NKAIN3: variants seen among roughly 807,000 people sequenced by gnomAD.
NKAIN3 encodes sodium/potassium-transporting ATPase subunit beta-1-interacting protein 3.
NKAIN3 carries 25 observed loss-of-function variants against 30.2 expected under a neutral mutation model. That is an observed-to-expected ratio of 0.83 (90% CI 0.60 to 1.16). The LOEUF is 1.16. Ranked by LOEUF, NKAIN3 falls within the 50% of genes most tolerant of loss-of-function variation. NKAIN3 has a pLI of 0.00. For synonymous variants in NKAIN3, 91 were observed against 89.6 expected (o/e 1.02, Z -0.09); for missense variants, 225 against 254.1 (o/e 0.89, Z 0.78).
chr8:62,356,315 C>T (rs1244338907), intron 1 of NKAIN3, among the ~76,000 whole-genome samples: 2 of 152,018 alleles, frequency 1.3e-5, no homozygotes, highest in African/African-American at 2.4e-5. Flanking sequence ...TTTTTCTCAT[C>T]AAAATAGGAA....
intron 1 of NKAIN3, among the ~76,000 whole-genome samples, chr8:62,260,136 G>A (rs1344848017): frequency 2.0e-5 from 3 of 152,008 alleles, no homozygotes; most frequent in Non-Finnish European, 4.4e-5. Flanking sequence ...GTGACGATAA[G>A]TCATAAATAT....
intron 3 of NKAIN3, among the ~76,000 whole-genome samples, chr8:62,688,889 A>G (rs1264078710): frequency 6.6e-6 from 1 of 152,140 alleles, no homozygotes; most frequent in Admixed American, 6.6e-5. Context: ...GTTTCCTATT[A>G]CAATGTGGAA....
intron 4 of NKAIN3, among the ~76,000 whole-genome samples, chr8:62,748,508 G>C (rs532361674): frequency 6.6e-6 from 1 of 152,178 alleles, no homozygotes; most frequent in Non-Finnish European, 1.5e-5. Context: ...GTGAGAGGGG[G>C]CTATCAAAAG....
At chr8:62,746,797 T>G in intron 3 of NKAIN3, 135 bp from the exon 4 acceptor site, 2 of 611,166 alleles carry the variant, frequency 3.3e-6, no homozygotes. Flanking sequence ...TGGGGCTTTG[T>G]CTTTTGTTAC....
chr8:62,455,617 G>A (rs1033536539), intron 1 of NKAIN3, among the ~76,000 whole-genome samples: 14 of 152,128 alleles, frequency 9.2e-5, no homozygotes, highest in South Asian at 2.1e-4. Context: ...AAACCTCAGC[G>A]TTATGCAATA....
chr8:62,829,937 A>G (rs1020736121), intron 4 of NKAIN3, among the ~76,000 whole-genome samples: 1 of 152,216 alleles, frequency 6.6e-6, no homozygotes, highest in Non-Finnish European at 1.5e-5. Flanking sequence ...AGGAAAAAAA[A>G]TAATTGCTAC....
At chr8:62,306,568 GTGTGTGTGT>G (rs1814248692) in intron 1 of NKAIN3, among the ~76,000 whole-genome samples, 1 of 148,056 alleles carries the variant, frequency 6.8e-6, no homozygotes, top group African/African-American at 2.6e-5. Context: ...GTGTGTGTGT[GTGTGTGTGT>G]TGTGTGTGTG....
At chr8:62,434,429 C>T (rs183729575) in intron 1 of NKAIN3, among the ~76,000 whole-genome samples, 8 of 152,174 alleles carry the variant, frequency 5.3e-5, no homozygotes, top group Middle Eastern at 3.4e-3. Context: ...GAAGGTCCTG[C>T]GAGGCAGGAG....
At chr8:62,945,886 CA>C (rs1273737626) in intron 5 of NKAIN3, among the ~76,000 whole-genome samples, 4 of 152,176 alleles carry the variant, frequency 2.6e-5, no homozygotes, top group African/African-American at 9.7e-5. Flanking sequence ...CAGTTCTTCA[CA>C]TAAGTACCTG....
intron 3 of NKAIN3, among the ~76,000 whole-genome samples, chr8:62,647,429 G>T (rs1812498355): frequency 6.6e-6 from 1 of 152,180 alleles, no homozygotes; most frequent in African/African-American, 2.4e-5. Context: ...GCCTAAGACG[G>T]AAAGGAGAAT....
intron 4 of NKAIN3, among the ~76,000 whole-genome samples, chr8:62,873,398 A>G (rs555222292): frequency 6.6e-6 from 1 of 151,368 alleles, no homozygotes; most frequent in Admixed American, 6.6e-5. Context: ...GGGAGATTTT[A>G]ACACCCCACT....
chr8:62,427,559 G>A (rs1804845517), intron 1 of NKAIN3, among the ~76,000 whole-genome samples: 1 of 151,956 alleles, frequency 6.6e-6, no homozygotes, highest in Admixed American at 6.6e-5. Context: ...ATCACTAACA[G>A]ACATGATTTA....
Position 62,681,031 on chromosome 8 carries a change from A to G in NKAIN3, c.274-65901A>G, listed in dbSNP as rs576548019. Among the ~76,000 whole-genome samples the G allele has an allele frequency of 3.3e-5, 5 of 152,316 alleles. No individual in the cohort carries two copies. In the East Asian group the frequency reaches 7.7e-4, roughly 23 times the overall value. On this transcript the variant is annotated intron_variant, in intron 3 of 6. Coordinates refer to ENST00000623646, the MANE Select transcript of NKAIN3 (RefSeq NM_001304533.3). ...TGAAATTAAAATTAGAATTATTTCAATAAGGGAGAACAGCAATTCTGGTGA... is the reference window on the plus strand; with the variant it reads ...TGAAATTAAAATTAGAATTATTTCAGTAAGGGAGAACAGCAATTCTGGTGA...
chr8:62,694,902 C>A (rs183882141), intron 3 of NKAIN3, among the ~76,000 whole-genome samples: 1 of 152,294 alleles, frequency 6.6e-6, no homozygotes, highest in African/African-American at 2.4e-5. Flanking sequence ...TCTTAACTCA[C>A]GTCCTAAACC....
Position 62,897,370 on chromosome 8 carries a change from ATT to A in NKAIN3, c.472-21073_472-21072del, listed in dbSNP as rs34000069. ...TTATGGAAACAAATCTGTTGGTGTAATTTTTTTTTTTCATTTAAAGAGATGGG... is the reference window on the plus strand; with the variant it reads ...TTATGGAAACAAATCTGTTGGTGTAATTTTTTTTTCATTTAAAGAGATGGG... On this transcript the variant is annotated intron_variant, in intron 4 of 6. Coordinates refer to ENST00000623646, the MANE Select transcript of NKAIN3 (RefSeq NM_001304533.3). 2.3e-3 allele frequency among the ~76,000 whole-genome samples: 350 copies of A among 150,908 alleles called. 1 individual carries two copies. The highest frequency in any genetic ancestry group is 7.6e-3 in the Admixed American group (115 of 15,142).
chr8:62,784,573 A>G (rs1052108608), intron 4 of NKAIN3, among the ~76,000 whole-genome samples: 1 of 152,088 alleles, frequency 6.6e-6, no homozygotes, highest in Non-Finnish European at 1.5e-5. Context: ...AAGCAGAAGT[A>G]TAAATTTTGA....
intron 6 of NKAIN3, among the ~76,000 whole-genome samples, chr8:62,960,756 C>T (rs1007641553): frequency 9.9e-5 from 15 of 151,662 alleles, no homozygotes; most frequent in Non-Finnish European, 2.1e-4. Context: ...CACACACACA[C>T]AAGTGATTAG....
intron 6 of NKAIN3, among the ~76,000 whole-genome samples, chr8:62,963,817 C>T (rs1823634916): frequency 6.6e-6 from 1 of 152,082 alleles, no homozygotes; most frequent in South Asian, 2.1e-4. Flanking sequence ...GGGAGTTGTT[C>T]TCTAGATGAG....
chr8:62,362,314 A>T (rs2351671), intron 1 of NKAIN3, among the ~76,000 whole-genome samples: 147,647 of 152,314 alleles, frequency 0.97, 71,619 homozygotes, highest in East Asian at 1. Flanking sequence ...TAATGGTTTC[A>T]GGCATTTTGA....
Sources: gnomAD v4.1 joint callset for allele counts (sites outside exome capture counted in the v4.1 genomes callset) on GRCh38, gnomAD v4.1.1 for gene constraint, MANE v1.5 for transcripts, NCBI Gene and HGNC (gene_info 2026-07-23, HGNC 2026-07-21) for gene names.